The following DLGAP1 variants were observed in gnomAD, a reference collection of about 807,000 sequenced individuals.
DLGAP1 encodes the protein disks large-associated protein 1.
Under a neutral mutation model 90.8 loss-of-function variants are expected in DLGAP1, and 11 were observed. The observed-to-expected ratio is 0.12, with a 90% confidence interval of 0.08 to 0.20. The LOEUF (loss-of-function observed/expected upper bound fraction) is 0.20, where lower values mean the gene tolerates loss of function less well. Among genes scored for constraint, DLGAP1 ranks in the 10% least tolerant of loss-of-function variants. The pLI is 1.00. For missense variants in DLGAP1, 1,050 were observed against 1,333.8 expected (o/e 0.79, Z 3.31); for synonymous variants, 558 against 540.7 (o/e 1.03, Z -0.44).
intron 4 of DLGAP1, among the ~76,000 whole-genome samples, chr18:3,815,357 T>C (rs1391472486): frequency 6.8e-6 from 1 of 147,852 alleles, no homozygotes; most frequent in Non-Finnish European, 1.5e-5. Context: ...AATGATCTCC[T>C]AATGGAAGAT....
chr18:4,246,516 C>T (rs1024198714), intron 1 of DLGAP1, among the ~76,000 whole-genome samples: 2 of 152,200 alleles, frequency 1.3e-5, no homozygotes, highest in Admixed American at 6.5e-5. Context: ...GTCACAACCT[C>T]TCATTGCAGT....
chr18:4,266,076 T>A lies in DLGAP1; in HGVS notation c.-266-114789A>T, dbSNP rs2079125685. ...AGTGTGTTTATTAATCTCAGTGATATAATGGAATTTGAAATTTGTAGGATA... is the reference window on the plus strand; with the variant it reads ...AGTGTGTTTATTAATCTCAGTGATAAAATGGAATTTGAAATTTGTAGGATA... On this transcript the variant is annotated intron_variant, in intron 1 of 12. Coordinates refer to ENST00000315677, the MANE Select transcript of DLGAP1 (RefSeq NM_004746.4). Among the ~76,000 whole-genome samples, 4 of 152,154 alleles carry A rather than the reference T, an allele frequency of 2.6e-5. No homozygotes were observed. In the South Asian group the frequency reaches 8.3e-4, roughly 32 times the overall value.
At chr18:4,062,425 GAA>G (rs897332421) in intron 2 of DLGAP1, among the ~76,000 whole-genome samples, 1 of 152,146 alleles carries the variant, frequency 6.6e-6, no homozygotes. Flanking sequence ...GGTAAGTAAA[GAA>G]TGTCACTTTC....
At chr18:3,684,967 T>C (rs895461069) in intron 7 of DLGAP1, among the ~76,000 whole-genome samples, 1 of 152,244 alleles carries the variant, frequency 6.6e-6, no homozygotes, top group South Asian at 2.1e-4. Context: ...AGTAATCCTG[T>C]ATTGGGTATT....
chr18:3,914,497 A>C (rs1323574851), intron 3 of DLGAP1, among the ~76,000 whole-genome samples: 1 of 152,222 alleles, frequency 6.6e-6, no homozygotes, highest in African/African-American at 2.4e-5. Context: ...ATAACCCTGC[A>C]GTGAACACGG....
intron 7 of DLGAP1, among the ~76,000 whole-genome samples, chr18:3,634,638 CTT>C (rs1010352178): frequency 6.6e-6 from 1 of 152,174 alleles, no homozygotes; most frequent in African/African-American, 2.4e-5. Flanking sequence ...TTAAGACACA[CTT>C]TGTGATTTTA....
intron 1 of DLGAP1, among the ~76,000 whole-genome samples, chr18:4,206,388 T>C (rs1302912206): frequency 3.3e-5 from 5 of 152,100 alleles, no homozygotes; most frequent in African/African-American, 9.7e-5. Flanking sequence ...TTTCACTCCA[T>C]TTTGCTACCA....
At chr18:4,306,483 GAGAAGAAAATAA>G (rs2080267838) in intron 1 of DLGAP1, among the ~76,000 whole-genome samples, 1 of 151,142 alleles carries the variant, frequency 6.6e-6, no homozygotes, top group Non-Finnish European at 1.5e-5. Context: ...GAGACAGACA[GAGAAGAAAATAA>G]AGAAGAAAGG....
intron 1 of DLGAP1, among the ~76,000 whole-genome samples, chr18:4,155,882 G>A (rs1218549764): frequency 6.6e-6 from 1 of 152,150 alleles, no homozygotes; most frequent in Non-Finnish European, 1.5e-5. Flanking sequence ...GTTTGGAACA[G>A]TACATAGGAG....
chr18:3,909,245 T>C (rs1460447902), intron 3 of DLGAP1, among the ~76,000 whole-genome samples: 1 of 152,170 alleles, frequency 6.6e-6, no homozygotes, highest in East Asian at 1.9e-4. Flanking sequence ...CTTTCTACCA[T>C]AGGTAAGAAA....
At chr18:4,413,266 C>T (rs547272378) in intron 1 of DLGAP1, among the ~76,000 whole-genome samples, 1 of 152,218 alleles carries the variant, frequency 6.6e-6, no homozygotes, top group East Asian at 1.9e-4. Context: ...GGGATTCATT[C>T]CACTCCCTGG....
intron 8 of DLGAP1, among the ~76,000 whole-genome samples, chr18:3,577,197 C>CT (rs1280598400): frequency 6.6e-6 from 1 of 152,196 alleles, no homozygotes; most frequent in Non-Finnish European, 1.5e-5. Context: ...ACCAGCTGCT[C>CT]TGCACCACTC....
intron 4 of DLGAP1, among the ~76,000 whole-genome samples, chr18:3,847,622 C>G (rs2069091433): frequency 1.3e-5 from 2 of 151,992 alleles, no homozygotes; most frequent in Non-Finnish European, 1.5e-5. Context: ...GGTAGGATCA[C>G]CAAACGTAAT....
intron 2 of DLGAP1, among the ~76,000 whole-genome samples, chr18:4,075,291 C>G (rs6506176): frequency 0.29 from 43,427 of 151,992 alleles, 7,203 homozygotes; most frequent in East Asian, 0.68. Context: ...ATAGCTAGTT[C>G]TATTCTTCTG....
intron 4 of DLGAP1, among the ~76,000 whole-genome samples, chr18:3,875,818 C>T (rs2070985587): frequency 1.3e-5 from 2 of 152,030 alleles, no homozygotes; most frequent in African/African-American, 2.4e-5. Context: ...ATCTTTTGGA[C>T]CAAGCGCCTC....
chr18:3,545,398 T>C (rs1382593324), intron 9 of DLGAP1, among the ~76,000 whole-genome samples: 1 of 152,128 alleles, frequency 6.6e-6, no homozygotes, highest in Non-Finnish European at 1.5e-5. Context: ...GGAAGAGATA[T>C]GAATAATAAA....
chr18:4,158,280 T>C (rs1487184020), intron 1 of DLGAP1, among the ~76,000 whole-genome samples: 1 of 152,176 alleles, frequency 6.6e-6, no homozygotes, highest in Non-Finnish European at 1.5e-5. Flanking sequence ...TATTTTTGTT[T>C]TTTATTTACT....
intron 2 of DLGAP1, among the ~76,000 whole-genome samples, chr18:4,111,601 A>G (rs914134973): frequency 2.6e-5 from 4 of 152,142 alleles, no homozygotes; most frequent in Non-Finnish European, 1.5e-5. Context: ...CAATTTTTTA[A>G]GTTGCAGTTT....
chr18:3,905,688 G>A (rs532711961), intron 3 of DLGAP1, among the ~76,000 whole-genome samples: 1 of 152,306 alleles, frequency 6.6e-6, no homozygotes, highest in Admixed American at 6.5e-5. Context: ...CAGCTAAGCA[G>A]TGAATTTCGA....
Sources: allele counts gnomAD v4.1 joint callset (sites outside exome capture counted in the v4.1 genomes callset), GRCh38; gene constraint gnomAD v4.1.1; transcripts MANE v1.5; gene names NCBI Gene and HGNC (gene_info 2026-07-23, HGNC 2026-07-21).